Variants in MAP1A observed in about 807,000 individuals in gnomAD.
The protein encoded by MAP1A is microtubule-associated protein 1A.
Under a neutral mutation model 185.9 loss-of-function variants are expected in MAP1A, and 42 were observed. The observed-to-expected ratio is 0.23, with a 90% confidence interval of 0.18 to 0.29. The LOEUF (loss-of-function observed/expected upper bound fraction) is 0.29, where lower values mean the gene tolerates loss of function less well. Among genes scored for constraint, MAP1A ranks in the 10% least tolerant of loss-of-function variants. The pLI, the probability that MAP1A is intolerant of heterozygous loss-of-function variation, is 1.00. For synonymous variants in MAP1A, 1,229 were observed against 1,335.9 expected (o/e 0.92, Z 1.74); for missense variants, 2,995 against 3,450.4 (o/e 0.87, Z 3.31).
chr15:43,526,614 G>A lies in MAP1A; in HGVS notation c.5141G>A (p.Gly1714Asp), dbSNP rs1060947. 3.1e-6 allele frequency: 5 copies of A among 1,614,014 alleles called. No individual in the cohort carries two copies. In the African/African-American group the frequency reaches 4.0e-5, roughly 13 times the overall value. Residue 1714 changes from glycine (G) to aspartate (D), a missense_variant, in exon 4 of 6, where the codon GGC becomes GAC. Around this residue, in one of 3 missense-constraint regions of MAP1A, gnomAD observed 2,728 missense variants for 2,986.0 expected, o/e 0.91. Coordinates refer to ENST00000300231, the MANE Select transcript of MAP1A (RefSeq NM_002373.6). The surrounding 1 kb of genome is among the most constrained non-coding windows in gnomAD (Gnocchi z 4.7). ...GTCTGGTTCCCTCACGAGCTGGATG[G>A]CCAGGGGGCCCGCCCACACTACACT... ...RKVWFPHELD[G>D]QGARPHYTEE...
Position 43,526,255 on chromosome 15 carries a change from G to A in MAP1A, c.4782G>A (p.Lys1594=). 3 of 1,614,054 alleles carry A rather than the reference G, an allele frequency of 1.9e-6. No homozygotes were observed. Among genetic ancestry groups the A allele is most frequent in the Non-Finnish European group, 2.5e-6 (3 of 1,180,004 alleles). Residue 1594 remains lysine (K), a synonymous_variant, in exon 4 of 6, where the codon AAG becomes AAA. Transcript: ENST00000300231. This position sits in a 1 kb window ranked among gnomAD's most constrained non-coding sequence, Gnocchi z 4.7. ...LVQEDKTRKP[K]MLEEKSPEKV... is the part of the protein sequence containing the mutation. ...AGGAGGATAAAACCAGGAAACCAAAGATGCTAGAGGAAAAATCCCCAGAAA... is the reference window on the plus strand; with the variant it reads ...AGGAGGATAAAACCAGGAAACCAAAAATGCTAGAGGAAAAATCCCCAGAAA...
Position 43,527,048 on chromosome 15 carries a change from C to T in MAP1A, c.5575C>T (p.Pro1859Ser). 1 of 1,588,654 alleles carries T rather than the reference C, an allele frequency of 6.3e-7. No individual in the cohort carries two copies. The highest frequency in any genetic ancestry group is 8.6e-7 in the Non-Finnish European group (1 of 1,167,632). The change falls in exon 4 of 6, where the codon CCA becomes TCA. Residue 1859 changes from proline (P) to serine (S), a missense_variant. Physicochemically the swap from Pro to Ser is moderately conservative, Grantham distance 74. Coordinates refer to ENST00000300231, the MANE Select transcript of MAP1A (RefSeq NM_002373.6). ...DRPLPPAPLS[P>S]APGPPTPAPE... ...ACCCCTCCCCCCTGCACCCCTCTCC[C>T]CAGCTCCTGGTCCCCCCACACCTGC...
rs202112026 is a variant in MAP1A at position 43,524,315 on chromosome 15, G to C, written c.2842G>C (p.Val948Leu). 1.2e-6 allele frequency: 2 copies of C among 1,614,104 alleles called. No individual in the cohort carries two copies. Among genetic ancestry groups the C allele is most frequent in the African/African-American group, 1.3e-5 (1 of 74,934 alleles). ...VEEEEEETANVEMSEKLCSQY... is the reference protein window; with the variant it reads ...VEEEEEETANLEMSEKLCSQY... The stretch of plus-strand genomic sequence containing the variant: ...AGAGGAAGAGGAGGAGACAGCAAAC[G>C]TAGAGATGTCTGAGAAACTTTGCAG... The change falls in exon 4 of 6, where the codon GTA (valine) becomes CTA (leucine). Residue 948 changes from valine to leucine, a missense_variant. Val to Leu is a conservative substitution (Grantham distance 32). Transcript: ENST00000300231.
At chr15:43,511,591 G>A (rs1266157596) in intron 1 of MAP1A, among the ~76,000 whole-genome samples, 1 of 152,168 alleles carries the variant, frequency 6.6e-6, no homozygotes, top group African/African-American at 2.4e-5. Flanking sequence ...TCTTCTTTAT[G>A]GTCCCTGAAC....
chr15:43,526,561 C>T lies in MAP1A; in HGVS notation c.5088C>T (p.Tyr1696=), dbSNP rs1256596962. 3 of 1,614,032 alleles carry T rather than the reference C, an allele frequency of 1.9e-6. No homozygotes were observed. The East Asian group carries it at 6.7e-5, about 36-fold the overall frequency. The change falls in exon 4 of 6, where the codon TAC becomes TAT. Residue 1696 remains tyrosine, a synonymous_variant. Coordinates refer to ENST00000300231, the MANE Select transcript of MAP1A (RefSeq NM_002373.6). The surrounding 1 kb of genome is among the most constrained non-coding windows in gnomAD (Gnocchi z 4.7). Reference sequence around the variant, plus strand: ...ATGTGGCCTTGGAACAGGACACATACTGGAGGGAGCTAAGCTGTGAGCGGA... The same window carrying T: ...ATGTGGCCTTGGAACAGGACACATATTGGAGGGAGCTAAGCTGTGAGCGGA... ...REDVALEQDT[Y]WRELSCERKV...
At position 43,526,885 on chromosome 15, in the gene MAP1A, G is replaced by A; in HGVS notation, c.5412G>A (p.Glu1804=). ...TCTCCCCTCCAGCTTCCCCACCTGA[G>A]ATGGTTGGACAAAGGGTTCCTTCAG... ...EIISPPASPP[E]MVGQRVPSAP... is the part of the protein sequence containing the mutation. The change falls in exon 4 of 6, where the codon GAG becomes GAA. Residue 1804 remains glutamate, a synonymous_variant. Transcript: ENST00000300231. The surrounding 1 kb of genome is among the most constrained non-coding windows in gnomAD (Gnocchi z 4.7). The A allele has an allele frequency of 6.2e-7, 1 of 1,614,170 alleles. No homozygotes were observed.
intron 1 of MAP1A, among the ~76,000 whole-genome samples, chr15:43,519,781 T>A (rs2079312335): frequency 6.6e-6 from 1 of 152,240 alleles, no homozygotes; most frequent in Non-Finnish European, 1.5e-5. Context: ...CTTATTAATG[T>A]GTTTCTTGTT....
upstream of MAP1A, among the ~76,000 whole-genome samples, chr15:43,514,116 T>C (rs970381066): frequency 1.3e-5 from 2 of 152,338 alleles, no homozygotes; most frequent in African/African-American, 4.8e-5. Flanking sequence ...GAAATGAGCA[T>C]TGATATATAA....
Position 43,520,708 on chromosome 15 carries a change from C to T in MAP1A, c.-307C>T. On this transcript the variant is annotated 5_prime_UTR_variant, in exon 2 of 6. Transcript: ENST00000300231. ...TCATCCTGGTAAATCCCAGTGCAGA[C>T]AGCATCAGCTCTGAGGTAAGGCCAG... The T allele has an allele frequency of 6.5e-7, 1 of 1,549,872 alleles. No homozygotes were observed. Among genetic ancestry groups the T allele is most frequent in the Non-Finnish European group, 8.7e-7 (1 of 1,146,156 alleles).
In MAP1A at chr15:43,527,070, C is replaced by T. The variant is rs946294746; in HGVS notation, c.5597C>T (p.Pro1866Leu). The change falls in exon 4 of 6, where the codon CCT (proline) becomes CTT (leucine). Residue 1866 changes from proline (P) to leucine (L), a missense_variant. This residue lies in a region of MAP1A where 2,728 missense variants were observed against 2,986.0 expected (regional missense o/e 0.91). Coordinates refer to ENST00000300231, the MANE Select transcript of MAP1A (RefSeq NM_002373.6). ...TCCCCAGCTCCTGGTCCCCCCACAC[C>T]TGCCCCGGAATCCCATACTCCTGCA... ...PLSPAPGPPT[P>L]APESHTPAPF... is the part of the protein sequence containing the mutation. The T allele has an allele frequency of 3.2e-6, 5 of 1,582,758 alleles. No individual in the cohort carries two copies. The African/African-American group carries it at 6.7e-5, about 21-fold the overall frequency.
rs553810743 is a variant in MAP1A, at chr15:43,524,122, G to A, written c.2649G>A (p.Thr883=). The A allele has an allele frequency of 6.2e-6, 10 of 1,614,162 alleles. No homozygotes were observed. Among genetic ancestry groups the A allele is most frequent in the Middle Eastern group, 1.6e-4 (1 of 6,062 alleles). Reference sequence around the variant, plus strand: ...TCCCTTCCTCCCGTACTGAAGCTACGCAGGGCTTGGACTATGTGCCATCAG... The same window carrying A: ...TCCCTTCCTCCCGTACTGAAGCTACACAGGGCTTGGACTATGTGCCATCAG... ...TSIPSSRTEA[T]QGLDYVPSAG... The change falls in exon 4 of 6, where the codon ACG becomes ACA. Residue 883 remains threonine (T), a synonymous_variant. Coordinates refer to ENST00000300231, the MANE Select transcript of MAP1A (RefSeq NM_002373.6).
Position 43,528,865 on chromosome 15 carries a change from G to A in MAP1A, c.7392G>A (p.Arg2464=). The A allele has an allele frequency of 1.2e-6, 2 of 1,613,476 alleles. No homozygotes were observed. Among genetic ancestry groups the A allele is most frequent in the Non-Finnish European group, 1.7e-6 (2 of 1,179,892 alleles). The change falls in exon 4 of 6, where the codon AGG becomes AGA. Residue 2464 remains arginine, a synonymous_variant. Transcript: ENST00000300231. ...CTCTGCCCCCATCCATAGATGATAG[G>A]GACCTCTCAACTGAGGAAGTTCGGC... is the stretch of plus-strand genomic sequence containing the variant. ...NPPLPPSIDD[R]DLSTEEVRLV...
chr15:43,521,824 T>C lies in MAP1A; in HGVS notation c.351T>C (p.Ser117=), dbSNP rs773652676. The C allele has an allele frequency of 6.2e-7, 1 of 1,614,230 alleles. No individual in the cohort carries two copies. Among genetic ancestry groups the C allele is most frequent in the South Asian group, 1.1e-5 (1 of 91,088 alleles). ...AELEEEQSQG[S]SSYSDWVKNL... ...TAGAGGAGGAGCAGTCCCAGGGCTC[T>C]AGCAGTTACAGCGACTGGGTGAAGA... Residue 117 remains serine, a synonymous_variant, in exon 4 of 6, where the codon TCT becomes TCC. Coordinates refer to ENST00000300231, the MANE Select transcript of MAP1A (RefSeq NM_002373.6). The surrounding 1 kb of genome is among the most constrained non-coding windows in gnomAD (Gnocchi z 4.6).
chr15:43,520,679 AC>A lies in MAP1A; in HGVS notation c.-334del. On this transcript the variant is annotated 5_prime_UTR_variant, in exon 2 of 6. Transcript: ENST00000300231. ...TTGCCACCAGAGTGAGATCCTAGAGACCATCATCCTGGTAAATCCCAGTGCA... is the reference window on the plus strand; with the variant it reads ...TTGCCACCAGAGTGAGATCCTAGAGACATCATCCTGGTAAATCCCAGTGCA... 1 of 1,550,464 alleles carries A rather than the reference AC, an allele frequency of 6.4e-7. No individual in the cohort carries two copies. Among genetic ancestry groups the A allele is most frequent in the Non-Finnish European group, 8.7e-7 (1 of 1,146,700 alleles).
At position 43,526,764 on chromosome 15, in the gene MAP1A, A is replaced by G. The variant is rs1212815214; in HGVS notation, c.5291A>G (p.Gln1764Arg). The G allele has an allele frequency of 1.9e-6, 3 of 1,614,136 alleles. No homozygotes were observed. Among genetic ancestry groups the G allele is most frequent in the Non-Finnish European group, 1.7e-6 (2 of 1,180,016 alleles). Residue 1764 changes from glutamine (Q) to arginine (R), a missense_variant, in exon 4 of 6, where the codon CAG (glutamine) becomes CGG (arginine). By Grantham distance (43) the Gln-to-Arg change is conservative. Coordinates refer to ENST00000300231, the MANE Select transcript of MAP1A (RefSeq NM_002373.6). The surrounding 1 kb of genome is among the most constrained non-coding windows in gnomAD (Gnocchi z 4.7). Reference protein sequence around the residue: ...DFKDFQESSPQKGLEVERWLA... With the variant: ...DFKDFQESSPRKGLEVERWLA... ...AAGGATTTCCAGGAATCCTCACCAC[A>G]GAAGGGGCTAGAGGTGGAGCGCTGG...
At position 43,526,684 on chromosome 15, in the gene MAP1A, G is replaced by A. The variant is rs1020316456; in HGVS notation, c.5211G>A (p.Glu1737=). ...STFLDEGPDD[E]QEVPLREHAT... is the part of the protein sequence containing the mutation. ...TCCTAGATGAGGGCCCAGATGATGA[G>A]CAAGAAGTACCCCTGCGGGAACACG... The change falls in exon 4 of 6, where the codon GAG becomes GAA. Residue 1737 remains glutamate, a synonymous_variant. Transcript: ENST00000300231. This position sits in a 1 kb window ranked among gnomAD's most constrained non-coding sequence, Gnocchi z 4.7. 2 of 1,613,950 alleles carry A rather than the reference G, an allele frequency of 1.2e-6. No individual in the cohort carries two copies. Among genetic ancestry groups the A allele is most frequent in the Non-Finnish European group, 1.7e-6 (2 of 1,180,028 alleles).
In MAP1A at chr15:43,522,707, C is replaced by A; in HGVS notation, c.1234C>A (p.Leu412Met). The A allele has an allele frequency of 6.3e-7, 1 of 1,598,100 alleles. No homozygotes were observed. ...GCACCTTAAAGAAAAGATATCAAAGCTGGAAGAAAAAAAAGACAAGGAGAA... is the reference window on the plus strand; with the variant it reads ...GCACCTTAAAGAAAAGATATCAAAGATGGAAGAAAAAAAAGACAAGGAGAA... Reference protein sequence around the residue: ...KKHLKEKISKLEEKKDKEKKE... With the variant: ...KKHLKEKISKMEEKKDKEKKE... Residue 412 changes from leucine (L) to methionine (M), a missense_variant, in exon 4 of 6, where the codon CTG becomes ATG. Physicochemically the swap from Leu to Met is conservative, Grantham distance 15. Around this residue, in one of 3 missense-constraint regions of MAP1A, gnomAD observed 2,728 missense variants for 2,986.0 expected, o/e 0.91. Coordinates refer to ENST00000300231, the MANE Select transcript of MAP1A (RefSeq NM_002373.6). The surrounding 1 kb of genome is among the most constrained non-coding windows in gnomAD (Gnocchi z 5.9).
intron 1 of MAP1A, among the ~76,000 whole-genome samples, chr15:43,519,057 T>C (rs1029477115): frequency 6.6e-6 from 1 of 152,108 alleles, no homozygotes; most frequent in Non-Finnish European, 1.5e-5. Flanking sequence ...TATTTGTCTT[T>C]CTGACCCTCC....
At position 43,521,280 on chromosome 15, in the gene MAP1A, C is replaced by T; in HGVS notation, c.-150-44C>T. 6.6e-7 allele frequency: 1 copy of T among 1,524,212 alleles called. No homozygotes were observed. The highest frequency in any genetic ancestry group is 8.8e-7 in the Non-Finnish European group (1 of 1,138,284). The allele number at this position is 1,524,212 out of a possible 1,614,324, so 94.4% of individuals were successfully genotyped here. A position where few individuals can be genotyped will look rare whatever the true frequency, so the allele number is the denominator to read the frequency against. The stretch of plus-strand genomic sequence containing the variant: ...GTACTGAATCTAAGTCAGACCAAAA[C>T]AACTCTAGTGACCTGATCAGGTTTC... On this transcript the variant is annotated intron_variant, in intron 3 of 5. Transcript: ENST00000300231. The surrounding 1 kb of genome is among the most constrained non-coding windows in gnomAD (Gnocchi z 4.6).
Sources: gnomAD v4.1 joint callset for allele counts (sites outside exome capture counted in the v4.1 genomes callset) on GRCh38, gnomAD v4.1.1 for gene constraint, gnomAD v4.1.1 regional missense constraint, Gnocchi (gnomAD v3.1) non-coding constraint, MANE v1.5 for transcripts, NCBI Gene and HGNC (gene_info 2026-07-23, HGNC 2026-07-21) for gene names.